Variants in KANK4 observed in about 807,000 individuals in gnomAD.
KANK4 encodes the protein KN motif and ankyrin repeat domain-containing protein 4.
KANK4 carries 50 observed loss-of-function variants against 80.8 expected under a neutral mutation model. The ratio of observed to expected loss-of-function variants is 0.62; its 90% CI spans 0.49 to 0.78. KANK4 has a LOEUF of 0.78. Ranked by LOEUF, KANK4 falls within the 30% of genes least tolerant of loss-of-function variation. The pLI is 0.00. For synonymous variants in KANK4, 465 were observed against 506.9 expected, an observed-to-expected ratio of 0.92 and a Z score of 1.11; for missense variants, 1,196 against 1,240.1, an observed-to-expected ratio of 0.96 and a Z score of 0.53.
intron 2 of KANK4, among the ~76,000 whole-genome samples, chr1:62,277,887 G>A (rs977099045): frequency 1.3e-5 from 2 of 152,146 alleles, no homozygotes; most frequent in Non-Finnish European, 2.9e-5. Context: ...TGCAGCAATA[G>A]ATAGCCAAGA....
At chr1:62,267,751 G>A (rs553716451) in intron 5 of KANK4, among the ~76,000 whole-genome samples, 25 of 149,960 alleles carry the variant, frequency 1.7e-4, no homozygotes, top group African/African-American at 5.2e-4. Context: ...GCAGTGAGCC[G>A]AGATCGTGCC....
chr1:62,243,341 A>T (rs1671389578), intron 9 of KANK4, among the ~76,000 whole-genome samples: 2 of 146,760 alleles, frequency 1.4e-5, no homozygotes, highest in African/African-American at 5.0e-5. Context: ...GGACCAGATA[A>T]TTTTTTTTTT....
At chr1:62,304,924 T>C (rs1382164980) in intron 1 of KANK4, among the ~76,000 whole-genome samples, 2 of 152,100 alleles carry the variant, frequency 1.3e-5, no homozygotes, top group Non-Finnish European at 2.9e-5. Flanking sequence ...CCTAAGTCTA[T>C]AGACTTGCCA....
chr1:62,268,184 T>G (rs1244307966), intron 5 of KANK4, 103 bp downstream of exon 5: 1 of 905,210 alleles, frequency 1.1e-6, no homozygotes, highest in African/African-American at 1.7e-5. Context: ...CACTGGCAAA[T>G]GGATGGGTAC....
At chr1:62,290,747 AT>A (rs35975808) in intron 1 of KANK4, among the ~76,000 whole-genome samples, 77,938 of 145,192 alleles carry the variant, frequency 0.54, 20,724 homozygotes, top group East Asian at 0.73. Context: ...GCTGGAAAGG[AT>A]TTTTTTTTTT....
At chr1:62,288,841 A>G (rs1463496009) in intron 1 of KANK4, among the ~76,000 whole-genome samples, 2 of 152,204 alleles carry the variant, frequency 1.3e-5, no homozygotes, top group Non-Finnish European at 1.5e-5. Context: ...ATACCGTAAA[A>G]TCAAACTGCC....
chr1:62,274,364 A>G lies in KANK4; in HGVS notation c.740T>C (p.Leu247Pro), dbSNP rs1672252332. ...CTGGAATGAGAAAGGAGGGCCTGGG[A>G]GAGGGAGGTGATTTGGAACCTTCAC... is the stretch of plus-strand genomic sequence containing the variant. ...GVVKVPNHLP[L>P]PGPPFSFQNV... Residue 247 changes from leucine to proline, a missense_variant, in exon 3 of 10, where the codon CTC becomes CCC. Leu to Pro is a moderately conservative substitution (Grantham distance 98, BLOSUM62 -3). Coordinates refer to ENST00000371153, the MANE Select transcript of KANK4 (RefSeq NM_181712.5). 3.1e-6 allele frequency: 5 copies of G among 1,614,030 alleles called. No individual in the cohort carries two copies. The highest frequency in any genetic ancestry group is 3.3e-4 in the Middle Eastern group (2 of 6,084).
At chr1:62,302,072 G>A (rs1055614459) in intron 1 of KANK4, among the ~76,000 whole-genome samples, 13 of 152,080 alleles carry the variant, frequency 8.5e-5, no homozygotes, top group Non-Finnish European at 1.9e-4. Flanking sequence ...GTTCTATGAT[G>A]TCAGATGCTG....
intron 1 of KANK4, among the ~76,000 whole-genome samples, chr1:62,297,856 G>A (rs1179205075): frequency 1.3e-5 from 2 of 152,208 alleles, no homozygotes; most frequent in Admixed American, 6.5e-5. Flanking sequence ...AGCAGCAGTT[G>A]AGTTACACAG....
At chr1:62,280,078 A>C (rs572126235) in intron 2 of KANK4, among the ~76,000 whole-genome samples, 13 of 152,210 alleles carry the variant, frequency 8.5e-5, no homozygotes, top group Non-Finnish European at 1.8e-4. Flanking sequence ...AACCAGAGGC[A>C]TTTAGAGTGT....
chr1:62,238,275 C>T lies in KANK4; in HGVS notation c.*2G>A. 1 of 1,609,438 alleles carries T rather than the reference C, an allele frequency of 6.2e-7. No individual in the cohort carries two copies. Among genetic ancestry groups the T allele is most frequent in the Non-Finnish European group, 8.5e-7 (1 of 1,176,012 alleles). Reference sequence around the variant, plus strand: ...TCCCCACGGCCAGTTCTTCTGCAGCCCCTACAGCCCCAGGGACCTGCCCTG... The same window carrying T: ...TCCCCACGGCCAGTTCTTCTGCAGCTCCTACAGCCCCAGGGACCTGCCCTG... On this transcript the variant is annotated 3_prime_UTR_variant, in exon 10 of 10. Coordinates refer to ENST00000371153, the MANE Select transcript of KANK4 (RefSeq NM_181712.5).
intron 9 of KANK4, among the ~76,000 whole-genome samples, chr1:62,241,425 A>G (rs1278544839): frequency 6.6e-6 from 1 of 152,136 alleles, no homozygotes; most frequent in African/African-American, 2.4e-5. Context: ...TCTTTCCCCG[A>G]AAAGCCCTCA....
At chr1:62,264,616 T>A (rs113521208) in intron 6 of KANK4, among the ~76,000 whole-genome samples, 15 of 152,144 alleles carry the variant, frequency 9.9e-5, no homozygotes, top group African/African-American at 3.6e-4. Flanking sequence ...GGAGACAGTA[T>A]CCGGTGCTTT....
intron 1 of KANK4, among the ~76,000 whole-genome samples, chr1:62,313,567 C>A (rs185678317): frequency 3.0e-4 from 46 of 152,194 alleles, no homozygotes; most frequent in Admixed American, 1.2e-3. Context: ...TATTTCAAAT[C>A]ACACAAATGA....
chr1:62,278,322 TTCCTTCCTTCCTTCCTTCC>T lies in KANK4; in HGVS notation c.16+3208_16+3226del, dbSNP rs1672358632. ...CATTTCCTGGGGCACATTTTCTTTC[TTCCTTCCTTCCTTCCTTCC>T]TTCCTTCCTTCCTTCCTTCCTTCCT... On this transcript the variant is annotated intron_variant, in intron 2 of 9. Transcript: ENST00000371153. 6.1e-3 allele frequency among the ~76,000 whole-genome samples: 170 copies of T among 28,096 alleles called. 28 individuals carry two copies. The highest frequency in any genetic ancestry group is 0.023 in the African/African-American group (106 of 4,702). The allele number at this position is 28,096 out of a possible 152,430, so 18.4% of individuals were successfully genotyped here. A position where few individuals can be genotyped will look rare whatever the true frequency, so the allele number is the denominator to read the frequency against.
intron 2 of KANK4, among the ~76,000 whole-genome samples, chr1:62,280,500 G>A (rs889293491): frequency 6.6e-6 from 1 of 152,234 alleles, no homozygotes; most frequent in Non-Finnish European, 1.5e-5. Flanking sequence ...TTTGGAAGAA[G>A]AGGCAGGGCG....
At position 62,273,835 on chromosome 1, in the gene KANK4, C is replaced by T; in HGVS notation, c.1269G>A (p.Leu423=). ...MVNTDPVHGL[L]TRESCDKGIE... ...TGCCCTTATCACACGACTCCCTGGTCAAGAGTCCATGGACAGGGTCAGTGT... is the reference window on the plus strand; with the variant it reads ...TGCCCTTATCACACGACTCCCTGGTTAAGAGTCCATGGACAGGGTCAGTGT... Residue 423 remains leucine (L), a synonymous_variant, in exon 3 of 10, where the codon TTG becomes TTA. Coordinates refer to ENST00000371153, the MANE Select transcript of KANK4 (RefSeq NM_181712.5). 2 of 1,614,186 alleles carry T rather than the reference C, an allele frequency of 1.2e-6. No homozygotes were observed. The highest frequency in any genetic ancestry group is 1.7e-6 in the Non-Finnish European group (2 of 1,180,034).
At chr1:62,312,789 C>A (rs17380555) in intron 1 of KANK4, among the ~76,000 whole-genome samples, 32,502 of 152,186 alleles carry the variant, frequency 0.21, 4,182 homozygotes, top group Middle Eastern at 0.38. Context: ...AAGAGAGCTT[C>A]GTGCAATCGT....
Position 62,261,152 on chromosome 1 carries a change from CTTTT to C in KANK4, c.2539+1936_2539+1939del, listed in dbSNP as rs11322195. 1.6e-3 allele frequency among the ~76,000 whole-genome samples: 110 copies of C among 68,372 alleles called. No homozygotes were observed. In the East Asian group the frequency reaches 0.051, roughly 32 times the overall value. 44.9% of individuals were successfully genotyped at this position (68,372 alleles called of 152,430 possible). ...CAGTCCGGCACTACCCTCCCAATGG[CTTTT>C]TTTTTTTTTTTTTTTTTTGAGACAG... is the stretch of plus-strand genomic sequence containing the variant. On this transcript the variant is annotated intron_variant, in intron 7 of 9. Transcript: ENST00000371153.
Sources: allele counts gnomAD v4.1 joint callset (sites outside exome capture counted in the v4.1 genomes callset), GRCh38; gene constraint gnomAD v4.1.1; transcripts MANE v1.5; gene names NCBI Gene and HGNC (gene_info 2026-07-23, HGNC 2026-07-21).